Variants in PANK2 observed in about 807,000 individuals in gnomAD.
The protein encoded by PANK2 is pantothenate kinase 2.
Under a neutral mutation model 43.1 loss-of-function variants are expected in PANK2, and 36 were observed. The ratio of observed to expected loss-of-function variants is 0.84; its 90% confidence interval spans 0.64 to 1.10. The LOEUF is 1.10. PANK2 is among the 50% of genes least tolerant of loss of function. The pLI is 0.00. For synonymous variants in PANK2, 281 were observed against 238.2 expected, an observed-to-expected ratio of 1.18 and a Z score of -1.66; for missense variants, 576 against 593.3, an observed-to-expected ratio of 0.97 and a Z score of 0.30.
chr20:3,913,184 C>T (rs2090496503), intron 4 of PANK2, among the ~76,000 whole-genome samples: 1 of 152,010 alleles, frequency 6.6e-6, no homozygotes, highest in African/African-American at 2.4e-5. Flanking sequence ...CCCTGCCAAA[C>T]AGTAATTTAT....
At position 3,910,678 on chromosome 20, in the gene PANK2, T is replaced by C; in HGVS notation, c.753T>C (p.Tyr251=). 5.0e-6 allele frequency: 8 copies of C among 1,614,230 alleles called. No homozygotes were observed. The highest frequency in any genetic ancestry group is 6.8e-6 in the Non-Finnish European group (8 of 1,180,036). The change falls in exon 3 of 7, where the codon TAT becomes TAC. Residue 251 remains tyrosine, a synonymous_variant. Coordinates refer to ENST00000610179, the MANE Select transcript of PANK2 (RefSeq NM_001386393.1). ...GATTCAATGGACGGTCACAGTGCTA[T>C]TACTTTGAAAACCCTGCTGATTCTG...
At chr20:3,914,031 C>T (rs1037920790) in intron 4 of PANK2, among the ~76,000 whole-genome samples, 16 of 151,858 alleles carry the variant, frequency 1.1e-4, no homozygotes, top group Admixed American at 3.3e-4. Context: ...CCTCATGATC[C>T]GCCCGCCTTG....
chr20:3,910,712 C>G lies in PANK2; in HGVS notation c.787C>G (p.Gln263Glu), dbSNP rs1363779328. ...AAACCCTGCTGATTCTGAAAAGTGTCAGAAGTTACCATTTGATTTGAAAAA... is the reference window on the plus strand; with the variant it reads ...AAACCCTGCTGATTCTGAAAAGTGTGAGAAGTTACCATTTGATTTGAAAAA... Residue 263 changes from glutamine (Q) to glutamate (E), a missense_variant, in exon 3 of 7, where the codon CAG (glutamine) becomes GAG (glutamate). By Grantham distance (29) the Gln-to-Glu change is conservative. This residue lies in a region of PANK2 where 544 missense variants were observed against 528.9 expected (regional missense o/e 1.03). Coordinates refer to ENST00000610179, the MANE Select transcript of PANK2 (RefSeq NM_001386393.1). 1 of 1,614,172 alleles carries G rather than the reference C, an allele frequency of 6.2e-7. No homozygotes were observed. Among genetic ancestry groups the G allele is most frequent in the East Asian group, 2.2e-5 (1 of 44,874 alleles).
chr20:3,913,166 C>T (rs2090496058), intron 4 of PANK2, among the ~76,000 whole-genome samples: 1 of 151,984 alleles, frequency 6.6e-6, no homozygotes, highest in Non-Finnish European at 1.5e-5. Flanking sequence ...CTCCATTCCC[C>T]CCACAGCCCC....
intron 4 of PANK2, among the ~76,000 whole-genome samples, chr20:3,915,199 C>T (rs1344733022): frequency 6.6e-6 from 1 of 151,240 alleles, no homozygotes. Flanking sequence ...AATCTAAGAT[C>T]ATGAAGAATT....
intron 4 of PANK2, among the ~76,000 whole-genome samples, chr20:3,914,875 G>T (rs2090533449): frequency 6.6e-6 from 1 of 152,186 alleles, no homozygotes; most frequent in Non-Finnish European, 1.5e-5. Context: ...CTCCCAAAGT[G>T]CTGGGATTAC....
At chr20:3,923,196 A>G (rs2090673722) in intron 6 of PANK2, 48 bp from the exon 7 acceptor site, 2 of 1,601,084 alleles carry the variant, frequency 1.2e-6, no homozygotes, top group South Asian at 2.2e-5. Flanking sequence ...AGGTGATTTG[A>G]ATAAGTCTAA....
In PANK2 at chr20:3,927,259, C is replaced by CGTAA. The variant is rs1429124527; in HGVS notation, c.*3968_*3971dup. ...TTCCAAGTCTTGCTGAAGGTGCTTG[C>CGTAA]GTAAGTGGCACATGGATGTTCCCTC... On this transcript the variant is annotated 3_prime_UTR_variant, in exon 7 of 7. Transcript: ENST00000610179. 6.6e-6 allele frequency: 1 copy of CGTAA among 152,202 alleles called. No homozygotes were observed. Among genetic ancestry groups the CGTAA allele is most frequent in the Non-Finnish European group, 1.5e-5 (1 of 68,050 alleles). The allele number at this position is 152,202 out of a possible 1,614,324, so 9.4% of individuals were successfully genotyped here.
chr20:3,906,073 A>C (rs1039214160), intron 1 of PANK2, among the ~76,000 whole-genome samples: 1 of 152,054 alleles, frequency 6.6e-6, no homozygotes, highest in Non-Finnish European at 1.5e-5. Flanking sequence ...GCATGTACAG[A>C]TGCTTTTTGA....
At chr20:3,913,232 A>G (rs898070856) in intron 4 of PANK2, among the ~76,000 whole-genome samples, 1 of 152,172 alleles carries the variant, frequency 6.6e-6, no homozygotes, top group African/African-American at 2.4e-5. Flanking sequence ...CATTTCATAT[A>G]AGTGGTATCA....
intron 1 of PANK2, among the ~76,000 whole-genome samples, chr20:3,894,812 G>A (rs1250330838): frequency 6.6e-6 from 1 of 152,068 alleles, no homozygotes. Flanking sequence ...TAAATACTAA[G>A]CAATAAGCAG....
intron 2 of PANK2, chr20:3,909,006 A>G (rs2090429242): frequency 6.6e-6 from 1 of 152,478 alleles, no homozygotes; most frequent in East Asian, 1.9e-4. Flanking sequence ...TCAGGGTGCA[A>G]TACAGATTGA....
At position 3,907,992 on chromosome 20, in the gene PANK2, A is replaced by T; in HGVS notation, c.365A>T (p.Asp122Val). The T allele has an allele frequency of 4.3e-6, 7 of 1,614,190 alleles. No homozygotes were observed. Among genetic ancestry groups the T allele is most frequent in the Non-Finnish European group, 5.9e-6 (7 of 1,180,038 alleles). ...AAGCTGGTATATTTTGAACCCAAAG[A>T]CATCACTGCTGAAGAAGAAGAGGAA... Residue 122 changes from aspartate to valine, a missense_variant, in exon 2 of 7, where the codon GAC (aspartate) becomes GTC (valine). By Grantham distance (152) the Asp-to-Val change is radical (BLOSUM62 -3). Transcript: ENST00000610179.
At chr20:3,921,384 T>G (rs2090644995) in intron 6 of PANK2, 1 of 152,204 alleles carries the variant, frequency 6.6e-6, no homozygotes, top group Non-Finnish European at 1.5e-5. Context: ...TCTCAAGCGT[T>G]TCCTCTTTGA....
chr20:3,912,689 T>C (rs2090487246), intron 4 of PANK2, 55 bp downstream of exon 4: 2 of 1,599,022 alleles, frequency 1.3e-6, no homozygotes, highest in South Asian at 1.1e-5. Flanking sequence ...CGGTGGCTCA[T>C]GCCTTTAATC....
chr20:3,919,212 T>A (rs1600573685), intron 6 of PANK2, among the ~76,000 whole-genome samples: 1 of 152,320 alleles, frequency 6.6e-6, no homozygotes, highest in Non-Finnish European at 1.5e-5. Flanking sequence ...GTGCCTGAAC[T>A]TTTTTGGTAG....
At chr20:3,897,773 G>A (rs2090233617) in intron 1 of PANK2, among the ~76,000 whole-genome samples, 2 of 152,170 alleles carry the variant, frequency 1.3e-5, no homozygotes, top group African/African-American at 2.4e-5. Flanking sequence ...TTGGGAGGCC[G>A]AGGTGGGCGA....
At position 3,893,920 on chromosome 20, in the gene PANK2, GTTTGTTT is replaced by G. The variant is rs1175247477; in HGVS notation, c.298+4203_298+4209del. Among the ~76,000 whole-genome samples, 385 of 93,662 alleles carry G rather than the reference GTTTGTTT, an allele frequency of 4.1e-3. 9 individuals carry two copies. The highest frequency in any genetic ancestry group is 8.5e-3 in the South Asian group (24 of 2,810). 61.4% of individuals were successfully genotyped at this position (93,662 alleles called of 152,430 possible). A position where few individuals can be genotyped will look rare whatever the true frequency, so the allele number is the denominator to read the frequency against. ...GAGGCAAGATGGGAGTTTTTTTTTT[GTTTGTTT>G]TTTGTTTTTTTTTTTTTTTTTTTAG... On this transcript the variant is annotated intron_variant, in intron 1 of 6. Transcript: ENST00000610179.
chr20:3,890,940 A>G (rs894095181), intron 1 of PANK2, among the ~76,000 whole-genome samples: 1 of 152,336 alleles, frequency 6.6e-6, no homozygotes, highest in South Asian at 2.1e-4. Context: ...AAGCAATGCA[A>G]AATATGAGAT....
Sources: gnomAD v4.1 joint callset for allele counts (sites outside exome capture counted in the v4.1 genomes callset) on GRCh38, gnomAD v4.1.1 for gene constraint, gnomAD v4.1.1 regional missense constraint, MANE v1.5 for transcripts, NCBI Gene and HGNC (gene_info 2026-07-23, HGNC 2026-07-21) for gene names.